Variants in PAM observed in about 807,000 individuals in gnomAD.
PAM encodes the protein peptidyl-glycine alpha-amidating monooxygenase.
In PAM, 72 loss-of-function variants were observed where a neutral mutation model predicts 122.1. The observed-to-expected ratio is 0.59, with a 90% CI of 0.49 to 0.72. PAM has a LOEUF of 0.72. PAM is among the 30% of genes least tolerant of loss of function. The pLI, the probability that PAM is intolerant of heterozygous loss-of-function variation, is 0.00. For synonymous variants in PAM, 389 were observed against 404.4 expected, an observed-to-expected ratio of 0.96 and a Z score of 0.46; for missense variants, 1,106 against 1,183.7, an observed-to-expected ratio of 0.93 and a Z score of 0.96.
At chr5:102,994,552 G>T (rs11949145) in intron 16 of PAM, among the ~76,000 whole-genome samples, 50,860 of 151,938 alleles carry the variant, frequency 0.33, 8,709 homozygotes, top group East Asian at 0.44. Context: ...TGATGTGTAT[G>T]CTACACATCT....
chr5:102,933,020 A>G (rs1752104213), intron 7 of PAM, among the ~76,000 whole-genome samples: 1 of 152,220 alleles, frequency 6.6e-6, no homozygotes. Context: ...TAAGAACAAA[A>G]GTCTGCCCTC....
chr5:102,796,260 A>G (rs1297329768), intron 1 of PAM, among the ~76,000 whole-genome samples: 1 of 152,168 alleles, frequency 6.6e-6, no homozygotes, highest in Admixed American at 6.5e-5. Flanking sequence ...TCCAAAGGTC[A>G]CCTGCAATCC....
At chr5:102,938,054 G>A (rs570124270) in intron 7 of PAM, among the ~76,000 whole-genome samples, 23 of 152,188 alleles carry the variant, frequency 1.5e-4, no homozygotes, top group Admixed American at 5.9e-4. Context: ...TATTCTTCAT[G>A]TTCTTCTCTA....
At chr5:102,806,676 A>G (rs1580364842) in intron 1 of PAM, among the ~76,000 whole-genome samples, 1 of 152,234 alleles carries the variant, frequency 6.6e-6, no homozygotes, top group Non-Finnish European at 1.5e-5. Context: ...CAGAAGAACA[A>G]ATGAAAGAAT....
chr5:103,016,558 T>C lies in PAM; in HGVS notation c.2332-776T>C, dbSNP rs144447627. ...AAGGCTTCTCTTCCAAGAACTAGTT[T>C]GGTGATCCCCAAAAGAAAGTCACAA... On this transcript the variant is annotated intron_variant, in intron 21 of 25. Coordinates refer to ENST00000438793, the MANE Select transcript of PAM (RefSeq NM_001177306.2). Among the ~76,000 whole-genome samples the C allele has an allele frequency of 3.1e-3, 475 of 152,342 alleles. 1 individual carries two copies. The highest frequency in any genetic ancestry group is 4.4e-3 in the Non-Finnish European group (301 of 68,030).
chr5:102,875,400 C>T (rs953059535), intron 3 of PAM, among the ~76,000 whole-genome samples: 1 of 151,982 alleles, frequency 6.6e-6, no homozygotes, highest in Admixed American at 6.6e-5. Flanking sequence ...TGCTGTGTTT[C>T]CCAGGCTGGT....
chr5:102,950,416 G>GGGGTGTGTGTGT (rs372626572), intron 11 of PAM, among the ~76,000 whole-genome samples: 155 of 146,040 alleles, frequency 1.1e-3, no homozygotes, highest in East Asian at 2.2e-3. Context: ...TATGTGGGTG[G>GGGGTGTGTGTGT]GTGTGTGTGT....
At chr5:102,850,892 A>G (rs1262450729) in intron 1 of PAM, among the ~76,000 whole-genome samples, 1 of 152,218 alleles carries the variant, frequency 6.6e-6, no homozygotes, top group Non-Finnish European at 1.5e-5. Context: ...AGCAGGAGTA[A>G]CTACTGACTA....
chr5:102,976,407 T>A (rs1212067753), intron 15 of PAM, among the ~76,000 whole-genome samples: 1 of 150,002 alleles, frequency 6.7e-6, no homozygotes, highest in African/African-American at 2.5e-5. Flanking sequence ...AGCTTCCATT[T>A]TGTAAAAAAA....
At chr5:102,894,035 G>A (rs934256365) in intron 3 of PAM, among the ~76,000 whole-genome samples, 6 of 151,598 alleles carry the variant, frequency 4.0e-5, no homozygotes, top group Non-Finnish European at 7.4e-5. Flanking sequence ...CAAAGGAACT[G>A]GTGGGAAAAC....
In PAM at chr5:102,812,973, A is replaced by G. The variant is rs78581661; in HGVS notation, c.-373-52850A>G. On this transcript the variant is annotated intron_variant, in intron 1 of 25. Transcript: ENST00000438793. ...AAAAACAAAACCCAAATACCTTTAAACATTTGAATATTTTTAAAAAGTATA... is the reference window on the plus strand; with the variant it reads ...AAAAACAAAACCCAAATACCTTTAAGCATTTGAATATTTTTAAAAAGTATA... 5.6e-3 allele frequency among the ~76,000 whole-genome samples: 851 copies of G among 152,206 alleles called. 11 individuals carry two copies. Among genetic ancestry groups the G allele is most frequent in the African/African-American group, 0.019 (797 of 41,564 alleles).
At chr5:102,763,264 C>G (rs997065319) in intron 1 of PAM, among the ~76,000 whole-genome samples, 1 of 152,168 alleles carries the variant, frequency 6.6e-6, no homozygotes, top group Non-Finnish European at 1.5e-5. Flanking sequence ...ATATCTTTGC[C>G]TCCAGCTTTA....
intron 1 of PAM, among the ~76,000 whole-genome samples, chr5:102,817,841 C>A (rs979498040): frequency 2.0e-4 from 31 of 151,902 alleles, no homozygotes; most frequent in Admixed American, 2.0e-3. Context: ...TCCCTGTCTA[C>A]CTTTTGACTT....
At chr5:102,902,681 G>A (rs887903355) in intron 4 of PAM, among the ~76,000 whole-genome samples, 3 of 151,420 alleles carry the variant, frequency 2.0e-5, no homozygotes, top group Non-Finnish European at 4.4e-5. Flanking sequence ...GGCCACCTAA[G>A]AGAAAATAAT....
chr5:103,027,083 G>C (rs1189637112), intron 24 of PAM, among the ~76,000 whole-genome samples: 1 of 152,126 alleles, frequency 6.6e-6, no homozygotes, highest in African/African-American at 2.4e-5. Context: ...TAGTAGATCA[G>C]CTTCTCACTT....
intron 1 of PAM, among the ~76,000 whole-genome samples, chr5:102,831,943 T>C (rs1775606821): frequency 6.6e-6 from 1 of 151,996 alleles, no homozygotes; most frequent in African/African-American, 2.4e-5. Context: ...CATTCATCTT[T>C]CCTATGCCAC....
chr5:102,953,590 G>A (rs1171231913), intron 12 of PAM, among the ~76,000 whole-genome samples: 1 of 152,096 alleles, frequency 6.6e-6, no homozygotes, highest in African/African-American at 2.4e-5. Flanking sequence ...TTGATCAGAG[G>A]ACATAAAGTT....
chr5:102,766,763 GC>G (rs1262359624), intron 1 of PAM, among the ~76,000 whole-genome samples: 2 of 152,004 alleles, frequency 1.3e-5, no homozygotes, highest in Non-Finnish European at 2.9e-5. Flanking sequence ...CAGCAGGCCA[GC>G]CAAGAGAAGG....
chr5:102,786,387 C>T lies in PAM; in HGVS notation c.-374+31039C>T, dbSNP rs78778725. Among the ~76,000 whole-genome samples, 1,100 of 152,248 alleles carry T rather than the reference C, an allele frequency of 7.2e-3. 7 individuals are homozygous for T. Among genetic ancestry groups the T allele is most frequent in the African/African-American group, 0.025 (1,042 of 41,542 alleles). On this transcript the variant is annotated intron_variant, in intron 1 of 25. Coordinates refer to ENST00000438793, the MANE Select transcript of PAM (RefSeq NM_001177306.2). Reference sequence around the variant, plus strand: ...AAACCTGTAAAAGTACTTTGAATAGCGCCTAGAATTTAATTCGTAATCATT... The same window carrying T: ...AAACCTGTAAAAGTACTTTGAATAGTGCCTAGAATTTAATTCGTAATCATT...
Sources: allele counts gnomAD v4.1 joint callset (sites outside exome capture counted in the v4.1 genomes callset), GRCh38; gene constraint gnomAD v4.1.1; transcripts MANE v1.5; gene names NCBI Gene and HGNC (gene_info 2026-07-23, HGNC 2026-07-21).